The following HIRA variants were observed in gnomAD, a reference collection of about 807,000 sequenced individuals.
HIRA encodes the protein histone cell cycle regulator.
HIRA carries 13 observed loss-of-function variants against 126.6 expected under a neutral mutation model. The ratio of observed to expected loss-of-function variants is 0.10; its 90% confidence interval spans 0.07 to 0.16. The LOEUF (loss-of-function observed/expected upper bound fraction) is 0.16, where lower values mean the gene tolerates loss of function less well. HIRA is among the 10% of genes least tolerant of loss of function. The probability of loss-of-function intolerance (pLI) is 1.00; values close to 1 mark genes in which losing one functional copy is unlikely to be tolerated. For missense variants in HIRA, 834 were observed against 1,314.4 expected (o/e 0.63, Z 5.65); for synonymous variants, 511 against 520.0 (o/e 0.98, Z 0.24).
intron 1 of HIRA, among the ~76,000 whole-genome samples, chr22:19,418,201 A>C (rs546373636): frequency 6.6e-6 from 1 of 152,330 alleles, no homozygotes; most frequent in African/African-American, 2.4e-5. Flanking sequence ...CATACTTAAA[A>C]ATGATTAAGA....
At chr22:19,403,375 C>G (rs2089284722) in intron 5 of HIRA, among the ~76,000 whole-genome samples, 1 of 152,070 alleles carries the variant, frequency 6.6e-6, no homozygotes, top group South Asian at 2.1e-4. Context: ...TTCGGGAGGC[C>G]AGGACAGGCA....
chr22:19,349,796 C>A (rs1556010253), intron 24 of HIRA, among the ~76,000 whole-genome samples: 2 of 152,156 alleles, frequency 1.3e-5, no homozygotes, highest in South Asian at 2.1e-4. Context: ...GACCCTCTGG[C>A]CTTTTGATGT....
chr22:19,422,179 C>A (rs974680511), intron 1 of HIRA, among the ~76,000 whole-genome samples: 1 of 129,956 alleles, frequency 7.7e-6, no homozygotes, highest in African/African-American at 4.0e-5. Context: ...TATACACACA[C>A]ACACACACAC....
intron 12 of HIRA, among the ~76,000 whole-genome samples, chr22:19,384,546 A>G (rs1013942032): frequency 1.3e-5 from 2 of 152,142 alleles, no homozygotes; most frequent in Non-Finnish European, 2.9e-5. Flanking sequence ...CAGTGGGTAC[A>G]TGCCACACTG....
At chr22:19,402,326 T>C (rs775382469) in intron 5 of HIRA, among the ~76,000 whole-genome samples, 10 of 152,264 alleles carry the variant, frequency 6.6e-5, no homozygotes, top group African/African-American at 9.6e-5. Flanking sequence ...CCATTTTCTA[T>C]CTCTCAATGT....
intron 14 of HIRA, among the ~76,000 whole-genome samples, chr22:19,376,524 C>A (rs564133042): frequency 3.3e-5 from 5 of 152,310 alleles, no homozygotes; most frequent in Admixed American, 3.3e-4. Flanking sequence ...CAGCCCCATT[C>A]TTCTCCTCCA....
chr22:19,348,588 T>C (rs1256508020), intron 24 of HIRA, among the ~76,000 whole-genome samples: 4 of 151,760 alleles, frequency 2.6e-5, no homozygotes, highest in African/African-American at 7.3e-5. Flanking sequence ...CTCCGCCTCC[T>C]GGGTTCAAGT....
chr22:19,350,034 C>T (rs1310079104), intron 24 of HIRA, among the ~76,000 whole-genome samples: 2 of 151,422 alleles, frequency 1.3e-5, no homozygotes, highest in Non-Finnish European at 2.9e-5. Context: ...ATTGCCCAGA[C>T]TGGAGTGCAG....
chr22:19,362,824 G>A (rs2088877010), intron 15 of HIRA, among the ~76,000 whole-genome samples: 1 of 151,738 alleles, frequency 6.6e-6, no homozygotes, highest in South Asian at 2.1e-4. Flanking sequence ...GCCTCCCAAA[G>A]TGTTGGGATT....
intron 12 of HIRA, among the ~76,000 whole-genome samples, chr22:19,384,805 C>T (rs1394236400): frequency 6.6e-6 from 1 of 151,646 alleles, no homozygotes; most frequent in African/African-American, 2.4e-5. Flanking sequence ...AGGCATGCAC[C>T]ACCATACCCG....
intron 7 of HIRA, among the ~76,000 whole-genome samples, chr22:19,396,430 C>T (rs1041358132): frequency 2.6e-5 from 4 of 152,160 alleles, no homozygotes; most frequent in African/African-American, 4.8e-5. Context: ...GCAGGAGAAT[C>T]GCTTGAACCC....
rs201431266 is a variant in HIRA at position 19,407,282 on chromosome 22, GAA to G, written c.212-10_212-9del. 6.3e-7 allele frequency: 1 copy of G among 1,586,236 alleles called. No individual in the cohort carries two copies. Among genetic ancestry groups the G allele is most frequent in the Non-Finnish European group, 8.6e-7 (1 of 1,162,612 alleles). On this transcript the variant is annotated splice_polypyrimidine_tract_variant and intron_variant, in intron 3 of 24. Coordinates refer to ENST00000263208, the MANE Select transcript of HIRA (RefSeq NM_003325.4). ...GCACACAGTTCACACATGCTGGGAAGAAAAAAAAATAAGGTGATGAAAATCCA... is the reference window on the plus strand; with the variant it reads ...GCACACAGTTCACACATGCTGGGAAGAAAAAAATAAGGTGATGAAAATCCA...
intron 7 of HIRA, among the ~76,000 whole-genome samples, chr22:19,396,327 C>T (rs2146230115): frequency 6.6e-6 from 1 of 152,282 alleles, no homozygotes; most frequent in South Asian, 2.1e-4. Flanking sequence ...ACCAGCCTGG[C>T]CAACATGGCG....
At position 19,396,916 on chromosome 22, in the gene HIRA, G is replaced by A. The variant is rs116458396; in HGVS notation, c.525C>T (p.Gly175=). Residue 175 remains glycine (G), a synonymous_variant, in exon 7 of 25, where the codon GGC becomes GGT. Coordinates refer to ENST00000263208, the MANE Select transcript of HIRA (RefSeq NM_003325.4). Reference sequence around the variant, plus strand: ...GGTCCCATGTCAACCCTTTGACCAAGCCAGAATGACCTCTCAGAGTAGCTA... The same window carrying A: ...GGTCCCATGTCAACCCTTTGACCAAACCAGAATGACCTCTCAGAGTAGCTA... ...EILATLRGHS[G]LVKGLTWDPV... 41 of 1,614,172 alleles carry A rather than the reference G, an allele frequency of 2.5e-5. 1 individual carries two copies. In the African/African-American group the frequency reaches 4.7e-4, roughly 18 times the overall value.
intron 5 of HIRA, among the ~76,000 whole-genome samples, chr22:19,404,607 C>T (rs780173676): frequency 6.6e-6 from 1 of 152,148 alleles, no homozygotes; most frequent in East Asian, 1.9e-4. Context: ...TAAGCATACA[C>T]TAACAATGGA....
intron 13 of HIRA, among the ~76,000 whole-genome samples, chr22:19,382,802 T>C (rs1271359719): frequency 1.4e-5 from 2 of 147,138 alleles, no homozygotes; most frequent in East Asian, 4.1e-4. Flanking sequence ...TCAACACACA[T>C]CATTTTGGGA....
At chr22:19,405,946 T>TAA in intron 4 of HIRA, 66 bp from the exon 5 acceptor site, 1 of 1,045,148 alleles carries the variant, frequency 9.6e-7, no homozygotes, top group Admixed American at 3.1e-5. Context: ...AAATGCTCCC[T>TAA]GCAGCCAGCT....
intron 15 of HIRA, 34 bp downstream of exon 15, chr22:19,375,597 C>T: frequency 3.7e-6 from 6 of 1,610,118 alleles, no homozygotes; most frequent in South Asian, 2.2e-5. Flanking sequence ...CTGCACCCTG[C>T]CTGGTCCTTC....
At chr22:19,382,087 T>C (rs1285009515) in intron 13 of HIRA, among the ~76,000 whole-genome samples, 1 of 152,260 alleles carries the variant, frequency 6.6e-6, no homozygotes, top group East Asian at 1.9e-4. Context: ...TGTATATTTA[T>C]GCTTTTTCTC....
Sources: gnomAD v4.1 joint callset for allele counts (sites outside exome capture counted in the v4.1 genomes callset) on GRCh38, gnomAD v4.1.1 for gene constraint, MANE v1.5 for transcripts, NCBI Gene and HGNC (gene_info 2026-07-23, HGNC 2026-07-21) for gene names.